RBPMS2: variants seen among roughly 807,000 people sequenced by gnomAD.
The protein encoded by RBPMS2 is RNA-binding protein with multiple splicing 2.
RBPMS2 carries 14 observed loss-of-function variants against 25.7 expected under a neutral mutation model. The ratio of observed to expected loss-of-function variants is 0.55; its 90% CI spans 0.36 to 0.85. RBPMS2 has a LOEUF of 0.85. Ranked by LOEUF, RBPMS2 falls within the 40% of genes least tolerant of loss-of-function variation. The probability of loss-of-function intolerance (pLI) is 0.01; values close to 1 mark genes in which losing one functional copy is unlikely to be tolerated. For missense variants in RBPMS2, 252 were observed against 283.4 expected (o/e 0.89, Z 0.80); for synonymous variants, 127 against 115.6 (o/e 1.10, Z -0.63).
At position 64,740,237 on chromosome 15, in the gene RBPMS2, A is replaced by G. The variant is rs1290113552; in HGVS notation, c.*771T>C. On this transcript the variant is annotated 3_prime_UTR_variant, in exon 8 of 8. Coordinates refer to ENST00000300069, the MANE Select transcript of RBPMS2 (RefSeq NM_194272.3). ...ATGAAAAATCCTTTATGATGCATAA[A>G]TATTTTGTTACACAGGGTACAAAAA... 3 of 152,342 alleles carry G rather than the reference A, an allele frequency of 2.0e-5. No individual in the cohort carries two copies. The highest frequency in any genetic ancestry group is 7.2e-5 in the African/African-American group (3 of 41,456). The allele number at this position is 152,342 out of a possible 1,614,324, so 9.4% of individuals were successfully genotyped here.
chr15:64,766,394 C>T (rs2083846249), intron 1 of RBPMS2, among the ~76,000 whole-genome samples: 1 of 152,152 alleles, frequency 6.6e-6, no homozygotes, highest in South Asian at 2.1e-4. Context: ...CAGAAGTAAC[C>T]GTACTCTCTC....
At chr15:64,772,835 G>A (rs1283697959) in intron 1 of RBPMS2, among the ~76,000 whole-genome samples, 3 of 152,088 alleles carry the variant, frequency 2.0e-5, no homozygotes, top group African/African-American at 7.2e-5. Context: ...CGACCTCCTA[G>A]GCTGAGAATT....
chr15:64,748,327 T>C lies in RBPMS2; in HGVS notation c.567+92A>G, dbSNP rs1395738480. The C allele has an allele frequency of 2.2e-6, 3 of 1,339,606 alleles. No homozygotes were observed. The African/African-American group carries it at 4.4e-5, about 20-fold the overall frequency. The allele number at this position is 1,339,606 out of a possible 1,614,324, so 83.0% of individuals were successfully genotyped here. A position where few individuals can be genotyped will look rare whatever the true frequency, so the allele number is the denominator to read the frequency against. On this transcript the variant is annotated intron_variant, in intron 6 of 7. Transcript: ENST00000300069. ...GAAGACAAGAGTTCTGCTGCAGCTC[T>C]GGGACAGCAGCGGCCAAGTGGCCAG...
Position 64,761,696 on chromosome 15 carries a change from CTTT to C in RBPMS2, c.88-10061_88-10059del, listed in dbSNP as rs71133473. Among the ~76,000 whole-genome samples, 496 of 86,664 alleles carry C rather than the reference CTTT, an allele frequency of 5.7e-3. 3 individuals are homozygous for C. The highest frequency in any genetic ancestry group is 0.018 in the South Asian group (37 of 2,016). The allele number at this position is 86,664 out of a possible 152,430, so 56.9% of individuals were successfully genotyped here. On this transcript the variant is annotated intron_variant, in intron 1 of 7. Coordinates refer to ENST00000300069, the MANE Select transcript of RBPMS2 (RefSeq NM_194272.3). ...CACAGGTGCACACCACAAAGCCCAG[CTTT>C]TTTTTTTTTTTTTTTTTTTTTGAGA...
At chr15:64,750,176 A>C (rs1338460605) in intron 3 of RBPMS2, among the ~76,000 whole-genome samples, 167 bp downstream of exon 3, 2 of 152,164 alleles carry the variant, frequency 1.3e-5, no homozygotes, top group African/African-American at 4.8e-5. Flanking sequence ...ATGGCCAGTG[A>C]AGAGACAGTG....
Position 64,744,189 on chromosome 15 carries a change from G to A in RBPMS2, c.568-2947C>T, listed in dbSNP as rs142219897. On this transcript the variant is annotated intron_variant, in intron 6 of 7. Coordinates refer to ENST00000300069, the MANE Select transcript of RBPMS2 (RefSeq NM_194272.3). Reference sequence around the variant, plus strand: ...AAAGATATGGAAGCCTCACTTATCCGAAATTAAAACATTTAACCCAGACTG... The same window carrying A: ...AAAGATATGGAAGCCTCACTTATCCAAAATTAAAACATTTAACCCAGACTG... Among the ~76,000 whole-genome samples, 6 of 152,060 alleles carry A rather than the reference G, an allele frequency of 3.9e-5. No homozygotes were observed. In the East Asian group the frequency reaches 5.8e-4, roughly 15 times the overall value.
intron 6 of RBPMS2, among the ~76,000 whole-genome samples, chr15:64,743,963 G>C (rs2083589062): frequency 6.6e-6 from 1 of 152,000 alleles, no homozygotes; most frequent in African/African-American, 2.4e-5. Flanking sequence ...AAAATTAGCT[G>C]GGCGTGGTAG....
At chr15:64,774,732 A>AGCCGGCCGACCGGCCG (rs1555431934) in intron 1 of RBPMS2, among the ~76,000 whole-genome samples, 4 of 147,068 alleles carry the variant, frequency 2.7e-5, no homozygotes, top group South Asian at 2.1e-4. Flanking sequence ...GGAACCGAGG[A>AGCCGGCCGACCGGCCG]GCCGGCCGGC....
At position 64,770,286 on chromosome 15, in the gene RBPMS2, G is replaced by A. The variant is rs767333140; in HGVS notation, c.87+4947C>T. ...CAATAGCAGTATACTGTGTGGTTAA[G>A]AGCAAACTCTGGGTTCAAATCCCAA... On this transcript the variant is annotated intron_variant, in intron 1 of 7. Coordinates refer to ENST00000300069, the MANE Select transcript of RBPMS2 (RefSeq NM_194272.3). Among the ~76,000 whole-genome samples, 15 of 152,166 alleles carry A rather than the reference G, an allele frequency of 9.9e-5. No homozygotes were observed. In the South Asian group the frequency reaches 2.1e-3, roughly 21 times the overall value.
At chr15:64,743,196 G>A (rs944897102) in intron 6 of RBPMS2, among the ~76,000 whole-genome samples, 13 of 152,210 alleles carry the variant, frequency 8.5e-5, no homozygotes, top group East Asian at 3.9e-4. Flanking sequence ...GAACATGGAC[G>A]ACAGAATGGA....
At position 64,761,696 on chromosome 15, in the gene RBPMS2, C is replaced by CTTTTTT. The variant is rs71133473; in HGVS notation, c.88-10064_88-10059dup. ...CACAGGTGCACACCACAAAGCCCAG[C>CTTTTTT]TTTTTTTTTTTTTTTTTTTTTTTTG... On this transcript the variant is annotated intron_variant, in intron 1 of 7. Coordinates refer to ENST00000300069, the MANE Select transcript of RBPMS2 (RefSeq NM_194272.3). Among the ~76,000 whole-genome samples, 55 of 86,692 alleles carry CTTTTTT rather than the reference C, an allele frequency of 6.3e-4. 1 individual carries two copies. The highest frequency in any genetic ancestry group is 8.2e-4 in the Non-Finnish European group (41 of 49,980). 56.9% of individuals were successfully genotyped at this position (86,692 alleles called of 152,430 possible).
Position 64,772,173 on chromosome 15 carries a change from G to A in RBPMS2, c.87+3060C>T, listed in dbSNP as rs551254832. Reference sequence around the variant, plus strand: ...AACAGCAACTGTATTATGAAAGCAAGGTCTCCACTTTCAAAATAGAAATCA... The same window carrying A: ...AACAGCAACTGTATTATGAAAGCAAAGTCTCCACTTTCAAAATAGAAATCA... On this transcript the variant is annotated intron_variant, in intron 1 of 7. Transcript: ENST00000300069. Among the ~76,000 whole-genome samples the A allele has an allele frequency of 1.1e-3, 166 of 152,254 alleles. 1 individual carries two copies. The highest frequency in any genetic ancestry group is 3.8e-3 in the African/African-American group (158 of 41,546).
chr15:64,740,986 C>G lies in RBPMS2; in HGVS notation c.*22G>C. 1.9e-6 allele frequency: 1 copy of G among 535,634 alleles called. No homozygotes were observed. The highest frequency in any genetic ancestry group is 2.2e-5 in the South Asian group (1 of 45,936). The allele number at this position is 535,634 out of a possible 1,614,324, so 33.2% of individuals were successfully genotyped here. A position where few individuals can be genotyped will look rare whatever the true frequency, so the allele number is the denominator to read the frequency against. ...CCACCACAGATTACCAGAACCACCT[C>G]CCCGGTGACCAGACCTGGAGGGAGG... On this transcript the variant is annotated 3_prime_UTR_variant, in exon 8 of 8. Transcript: ENST00000300069.
At chr15:64,755,356 T>C (rs1438823590) in intron 1 of RBPMS2, among the ~76,000 whole-genome samples, 1 of 152,224 alleles carries the variant, frequency 6.6e-6, no homozygotes, top group East Asian at 1.9e-4. Context: ...TGAGCACAGA[T>C]GCTCTGTGGG....
chr15:64,773,408 C>T (rs35484033), intron 1 of RBPMS2, among the ~76,000 whole-genome samples: 1,525 of 152,300 alleles, frequency 0.01, 11 homozygotes, highest in Non-Finnish European at 0.015. Context: ...CTCTGCTAAA[C>T]GCGAGCCCAC....
Position 64,775,291 on chromosome 15 carries a change from T to C in RBPMS2, c.29A>G (p.His10Arg). ...GGAGCCGGTGCCGGTGCTGCCGCCG[T>C]GCTCGCCGTCCGGCTTCAGGTTGCT... Reference protein sequence around the residue: MSNLKPDGEHGGSTGTGSGA... With the variant: MSNLKPDGERGGSTGTGSGA... The change falls in exon 1 of 8, where the codon CAC (histidine) becomes CGC (arginine). Residue 10 changes from histidine (H) to arginine (R), a missense_variant. Physicochemically the swap from His to Arg is conservative, Grantham distance 29. Coordinates refer to ENST00000300069, the MANE Select transcript of RBPMS2 (RefSeq NM_194272.3). 5.9e-6 allele frequency: 8 copies of C among 1,352,878 alleles called. No homozygotes were observed. The highest frequency in any genetic ancestry group is 7.7e-6 in the Non-Finnish European group (8 of 1,045,588). 83.8% of individuals were successfully genotyped at this position (1,352,878 alleles called of 1,614,324 possible).
At chr15:64,751,289 A>C (rs2083676717) in intron 2 of RBPMS2, among the ~76,000 whole-genome samples, 1 of 151,032 alleles carries the variant, frequency 6.6e-6, no homozygotes, top group African/African-American at 2.4e-5. Context: ...GCCGAGATCA[A>C]GCCACTGCAC....
rs769653515 is a variant in RBPMS2, at chr15:64,750,357, G to A, written c.190C>T (p.Leu64Phe). The A allele has an allele frequency of 2.5e-5, 40 of 1,613,810 alleles. No homozygotes were observed. In the South Asian group the frequency reaches 4.0e-4, roughly 16 times the overall value. ...AGAGAAATTACCTGTCTTGCAGTGA[G>A]CTTGATCAGGGACCCTTCATACCCC... ...FKGYEGSLIK[L>F]TARQPVGFVI... The change falls in exon 3 of 8, where the codon CTC (leucine) becomes TTC (phenylalanine). Residue 64 changes from leucine (L) to phenylalanine (F), a missense_variant. Physicochemically the swap from Leu to Phe is conservative, Grantham distance 22. Coordinates refer to ENST00000300069, the MANE Select transcript of RBPMS2 (RefSeq NM_194272.3).
Position 64,750,378 on chromosome 15 carries a change from A to T in RBPMS2, c.169T>A (p.Tyr57Asn). 1.2e-6 allele frequency: 2 copies of T among 1,613,778 alleles called. No homozygotes were observed. The highest frequency in any genetic ancestry group is 1.7e-6 in the Non-Finnish European group (2 of 1,179,726). The change falls in exon 3 of 8, where the codon TAT becomes AAT. Residue 57 changes from tyrosine (Y) to asparagine (N), a missense_variant. Physicochemically the swap from Tyr to Asn is moderately radical, Grantham distance 143 (BLOSUM62 -2). Coordinates refer to ENST00000300069, the MANE Select transcript of RBPMS2 (RefSeq NM_194272.3). ...LYLLFRPFKGYEGSLIKLTAR... is the reference protein window; with the variant it reads ...LYLLFRPFKGNEGSLIKLTAR... ...GTGAGCTTGATCAGGGACCCTTCAT[A>T]CCCCTGCGGAGAGAGGTGGCTGTTA...
Sources: allele counts gnomAD v4.1 joint callset (sites outside exome capture counted in the v4.1 genomes callset), GRCh38; gene constraint gnomAD v4.1.1; transcripts MANE v1.5; gene names NCBI Gene and HGNC (gene_info 2026-07-23, HGNC 2026-07-21).